Variants in PTK2 observed in about 807,000 individuals in gnomAD.
PTK2 encodes the protein focal adhesion kinase 1.
A neutral mutation model predicts 150.1 loss-of-function variants in PTK2; 45 were observed. The ratio of observed to expected loss-of-function variants is 0.30; its 90% CI spans 0.24 to 0.38. The LOEUF (loss-of-function observed/expected upper bound fraction) is 0.38, where lower values mean the gene tolerates loss of function less well. Among genes scored for constraint, PTK2 ranks in the 10% least tolerant of loss-of-function variants. The pLI, the probability that PTK2 is intolerant of heterozygous loss-of-function variation, is 1.00. For missense variants in PTK2, 919 were observed against 1,307.3 expected, an observed-to-expected ratio of 0.70 and a Z score of 4.58; for synonymous variants, 432 against 449.2, an observed-to-expected ratio of 0.96 and a Z score of 0.48.
chr8:140,825,425 T>C (rs2100111245), intron 8 of PTK2, among the ~76,000 whole-genome samples: 1 of 152,184 alleles, frequency 6.6e-6, no homozygotes, highest in African/African-American at 2.4e-5. Context: ...AAATCATGTG[T>C]TCCTGGTAGT....
intron 1 of PTK2, among the ~76,000 whole-genome samples, chr8:140,983,109 G>A (rs541051042): frequency 5.4e-4 from 82 of 152,188 alleles, no homozygotes; most frequent in South Asian, 2.1e-4. Flanking sequence ...AATCTAGGCC[G>A]GGTGTGGTGG....
chr8:140,767,582 C>T (rs912032579), intron 14 of PTK2, among the ~76,000 whole-genome samples: 1 of 152,032 alleles, frequency 6.6e-6, no homozygotes, highest in Non-Finnish European at 1.5e-5. Context: ...ACCTCCTGGG[C>T]TCAAGTGATC....
At chr8:140,883,649 C>T (rs761501127) in intron 3 of PTK2, among the ~76,000 whole-genome samples, 13 of 152,124 alleles carry the variant, frequency 8.5e-5, no homozygotes, top group Non-Finnish European at 1.5e-4. Context: ...AAAGAAAGAT[C>T]CAGAAATTCA....
At chr8:140,880,933 T>C (rs142142328) in intron 3 of PTK2, among the ~76,000 whole-genome samples, 2 of 152,176 alleles carry the variant, frequency 1.3e-5, no homozygotes, top group Non-Finnish European at 2.9e-5. Context: ...TTCAGACAAC[T>C]CAATCCCAGG....
chr8:140,830,484 C>A, exon 8 of PTK2: 1 of 1,540,320 alleles, frequency 6.5e-7, no homozygotes, highest in South Asian at 1.2e-5. Context: ...TGACAGAATC[C>A]AGTAAACTCT....
chr8:140,929,030 A>G (rs1377242360), intron 1 of PTK2, among the ~76,000 whole-genome samples: 1 of 112,182 alleles, frequency 8.9e-6, no homozygotes, highest in African/African-American at 3.5e-5. Context: ...CAGTGGCGGG[A>G]TCTCGGCTCA....
At chr8:140,686,198 C>T (rs921298681) in intron 27 of PTK2, among the ~76,000 whole-genome samples, 12 of 152,026 alleles carry the variant, frequency 7.9e-5, no homozygotes, top group Admixed American at 5.9e-4. Context: ...TCAGTACACA[C>T]GGACACAATG....
chr8:140,693,564 T>TTAAAAAAAAAAAA lies in PTK2; in HGVS notation c.2500-6871_2500-6870insTTTTTTTTTTTTA, dbSNP rs1181421194. The stretch of plus-strand genomic sequence containing the variant: ...CCACAGAGTGAGACTTTGTCTCAAT[T>TTAAAAAAAAAAAA]AAAAAAAAAAAAAAAAAAAAAAAAA... On this transcript the variant is annotated intron_variant, in intron 26 of 31. Transcript: ENST00000522684. Among the ~76,000 whole-genome samples the TTAAAAAAAAAAAA allele has an allele frequency of 4.6e-4, 33 of 72,456 alleles. 13 individuals are homozygous for TTAAAAAAAAAAAA. Among genetic ancestry groups the TTAAAAAAAAAAAA allele is most frequent in the African/African-American group, 2.0e-3 (33 of 16,652 alleles). The allele number at this position is 72,456 out of a possible 152,430, so 47.5% of individuals were successfully genotyped here.
intron 1 of PTK2, among the ~76,000 whole-genome samples, chr8:140,942,344 C>G (rs957113908): frequency 2.6e-5 from 4 of 152,176 alleles, no homozygotes; most frequent in Non-Finnish European, 5.9e-5. Flanking sequence ...TTCTCCAGAG[C>G]TACAAGAACT....
chr8:140,775,447 T>C (rs1391882895), intron 14 of PTK2, among the ~76,000 whole-genome samples: 4 of 152,036 alleles, frequency 2.6e-5, no homozygotes, highest in African/African-American at 9.7e-5. Context: ...ATCACGCCAC[T>C]GCACTCCAGT....
At chr8:140,869,543 C>T (rs949919597) in intron 4 of PTK2, among the ~76,000 whole-genome samples, 14 of 151,904 alleles carry the variant, frequency 9.2e-5, no homozygotes, top group African/African-American at 2.4e-4. Context: ...TGAATGATCA[C>T]GATGTCAGAC....
chr8:140,908,753 C>T (rs1031774605), intron 2 of PTK2, among the ~76,000 whole-genome samples: 1 of 152,152 alleles, frequency 6.6e-6, no homozygotes, highest in African/African-American at 2.4e-5. Context: ...ATGTCCAAAT[C>T]GAGCCCTTTG....
At chr8:140,779,168 A>C (rs973742294) in intron 14 of PTK2, among the ~76,000 whole-genome samples, 1 of 151,166 alleles carries the variant, frequency 6.6e-6, no homozygotes, top group Non-Finnish European at 1.5e-5. Flanking sequence ...AGGCTGAGGC[A>C]GGAGAATAGC....
Position 140,686,856 on chromosome 8 carries a change from T to C in PTK2, c.2500-162A>G. On this transcript the variant is annotated intron_variant, in intron 26 of 31. Transcript: ENST00000522684. ...AAATTCCAGTGATGATAAATGAAGG[T>C]TGGCTGCCTTGGGAAGAACTGCATT... 3 of 642,602 alleles carry C rather than the reference T, an allele frequency of 4.7e-6. No individual in the cohort carries two copies. In the South Asian group the frequency reaches 5.6e-5, roughly 12 times the overall value. 39.8% of individuals were successfully genotyped at this position (642,602 alleles called of 1,614,324 possible).
chr8:140,994,062 T>C (rs1052086833), intron 1 of PTK2, among the ~76,000 whole-genome samples: 2 of 152,204 alleles, frequency 1.3e-5, no homozygotes, highest in African/African-American at 4.8e-5. Context: ...TATCTGTTTC[T>C]GAAAAAAGTG....
At position 140,676,765 on chromosome 8, in the gene PTK2, TAAAAAAA is replaced by T. The variant is rs869199304; in HGVS notation, c.2563-1273_2563-1267del. On this transcript the variant is annotated intron_variant, in intron 27 of 31. Coordinates refer to ENST00000522684, the Ensembl canonical transcript of PTK2. ...ACATGGTGAAACCCCGTCTCTACTT[TAAAAAAA>T]AAAAAAAAAAAAAAAAATAGCCAGG... Among the ~76,000 whole-genome samples the T allele has an allele frequency of 5.6e-4, 31 of 55,570 alleles. 2 individuals carry two copies. The highest frequency in any genetic ancestry group is 2.1e-3 in the African/African-American group (25 of 11,746). 36.5% of individuals were successfully genotyped at this position (55,570 alleles called of 152,430 possible). A position where few individuals can be genotyped will look rare whatever the true frequency, so the allele number is the denominator to read the frequency against.
At chr8:140,988,728 C>CAAAAAAAAAAAAAA (rs71310814) in intron 1 of PTK2, among the ~76,000 whole-genome samples, 2 of 69,970 alleles carry the variant, frequency 2.9e-5, no homozygotes, top group African/African-American at 5.5e-5. Context: ...GACTCCATCC[C>CAAAAAAAAAAAAAA]AAAAAAAAAA....
At chr8:140,731,942 G>A (rs1057424468) in intron 22 of PTK2, among the ~76,000 whole-genome samples, 2 of 152,104 alleles carry the variant, frequency 1.3e-5, no homozygotes, top group Non-Finnish European at 2.9e-5. Flanking sequence ...AGTTAAAGAT[G>A]AGGGGAATCC....
At chr8:140,734,586 A>G in intron 22 of PTK2, 1 of 386,132 alleles carries the variant, frequency 2.6e-6, no homozygotes, top group South Asian at 1.9e-5. Context: ...TCAGCACACT[A>G]ATGTCCCTGC....
Sources: allele counts gnomAD v4.1 joint callset (sites outside exome capture counted in the v4.1 genomes callset), GRCh38; gene constraint gnomAD v4.1.1; transcripts MANE v1.5; gene names NCBI Gene and HGNC (gene_info 2026-07-23, HGNC 2026-07-21).